Variants in EXT1 observed in about 807,000 individuals in gnomAD.
EXT1 encodes exostosin glycosyltransferase 1.
A neutral mutation model predicts 82.5 loss-of-function variants in EXT1; 20 were observed. That is an observed-to-expected ratio of 0.24 (90% CI 0.17 to 0.35). The LOEUF is 0.35. EXT1 is among the 10% of genes least tolerant of loss of function. The probability of loss-of-function intolerance (pLI) is 1.00; values close to 1 mark genes in which losing one functional copy is unlikely to be tolerated. For missense variants in EXT1, 757 were observed against 936.5 expected (o/e 0.81, Z 2.50); for synonymous variants, 348 against 350.8 (o/e 0.99, Z 0.09).
intron 1 of EXT1, among the ~76,000 whole-genome samples, chr8:117,936,254 C>G (rs1264082317): frequency 6.6e-6 from 1 of 151,874 alleles, no homozygotes; most frequent in Non-Finnish European, 1.5e-5. Flanking sequence ...TGAGCCTATT[C>G]CAACAGCCTG....
chr8:117,931,122 A>T (rs1243059098), intron 1 of EXT1, among the ~76,000 whole-genome samples: 1 of 152,258 alleles, frequency 6.6e-6, no homozygotes, highest in Non-Finnish European at 1.5e-5. Flanking sequence ...AGAAATAACC[A>T]TAAAAATAGG....
intron 1 of EXT1, among the ~76,000 whole-genome samples, chr8:117,921,422 A>C (rs1813852544): frequency 6.6e-6 from 1 of 152,222 alleles, no homozygotes; most frequent in African/African-American, 2.4e-5. Flanking sequence ...GAGCAACAAC[A>C]ATTTTACTGA....
At chr8:117,942,776 T>C (rs1814313856) in intron 1 of EXT1, among the ~76,000 whole-genome samples, 3 of 152,218 alleles carry the variant, frequency 2.0e-5, no homozygotes, top group Non-Finnish European at 4.4e-5. Context: ...TGTTGAATGT[T>C]TTTTTAAACA....
rs930700222 is a variant in EXT1 at position 117,837,032 on chromosome 8, G to A, written c.1056+76C>T. The A allele has an allele frequency of 3.2e-6, 3 of 944,406 alleles. No individual in the cohort carries two copies. The East Asian group carries it at 7.2e-5, about 23-fold the overall frequency. 58.5% of individuals were successfully genotyped at this position (944,406 alleles called of 1,614,324 possible). ...CACCTTCTCTTTAGCTATCCCAGGA[G>A]AGGTGATAATGTTAAACCCACTTAA... On this transcript the variant is annotated intron_variant, in intron 2 of 10. Transcript: ENST00000378204.
chr8:117,828,936 A>G (rs17474546), intron 4 of EXT1, among the ~76,000 whole-genome samples: 2,344 of 152,268 alleles, frequency 0.015, 76 homozygotes, highest in African/African-American at 0.054. Flanking sequence ...ACTGGCTCTG[A>G]TAGTCAGGAT....
At chr8:118,033,490 T>A (rs993988618) in intron 1 of EXT1, among the ~76,000 whole-genome samples, 2 of 152,206 alleles carry the variant, frequency 1.3e-5, no homozygotes, top group African/African-American at 4.8e-5. Flanking sequence ...CATGCATTCA[T>A]TCATTCGAGA....
chr8:117,896,258 C>A (rs1813333879), intron 1 of EXT1, among the ~76,000 whole-genome samples: 1 of 152,186 alleles, frequency 6.6e-6, no homozygotes, highest in East Asian at 1.9e-4. Context: ...CCAAAAAAAT[C>A]CAGATTACTT....
chr8:118,058,007 A>C (rs1396464318), intron 1 of EXT1, among the ~76,000 whole-genome samples: 1 of 151,864 alleles, frequency 6.6e-6, no homozygotes, highest in African/African-American at 2.4e-5. Flanking sequence ...AAGAAAAAAA[A>C]ATCGAAAGTG....
chr8:117,936,901 CAAAT>C (rs199885796), intron 1 of EXT1, among the ~76,000 whole-genome samples: 2,277 of 152,030 alleles, frequency 0.015, 63 homozygotes, highest in African/African-American at 0.052. Flanking sequence ...AACAAACAAA[CAAAT>C]AAATAAATAA....
At chr8:117,848,488 G>C (rs1353710638) in intron 1 of EXT1, among the ~76,000 whole-genome samples, 1 of 152,128 alleles carries the variant, frequency 6.6e-6, no homozygotes, top group Non-Finnish European at 1.5e-5. Context: ...ATTCTGGAAA[G>C]AGGCTGTGGG....
intron 1 of EXT1, among the ~76,000 whole-genome samples, chr8:117,994,626 C>A (rs1815500525): frequency 1.3e-5 from 2 of 152,054 alleles, no homozygotes; most frequent in Non-Finnish European, 2.9e-5. Context: ...GAAAAGGACT[C>A]TAGATCAGGT....
intron 1 of EXT1, among the ~76,000 whole-genome samples, chr8:117,934,978 TAAAC>T (rs990670658): frequency 6.6e-6 from 1 of 152,178 alleles, no homozygotes; most frequent in African/African-American, 2.4e-5. Flanking sequence ...GAACACAGCT[TAAAC>T]AGTGTCATAA....
At chr8:117,973,508 T>A (rs1029974543) in intron 1 of EXT1, among the ~76,000 whole-genome samples, 3 of 152,126 alleles carry the variant, frequency 2.0e-5, no homozygotes, top group Non-Finnish European at 4.4e-5. Context: ...CCTCTACATC[T>A]TTTTTAAAAA....
chr8:117,991,837 C>T (rs1274276624), intron 1 of EXT1, among the ~76,000 whole-genome samples: 1 of 152,224 alleles, frequency 6.6e-6, no homozygotes, highest in Non-Finnish European at 1.5e-5. Context: ...GCTGGGATTA[C>T]TGGCATGAGC....
At chr8:118,105,977 C>T (rs945983644) in intron 1 of EXT1, among the ~76,000 whole-genome samples, 7 of 152,182 alleles carry the variant, frequency 4.6e-5, no homozygotes, top group Non-Finnish European at 1.0e-4. Flanking sequence ...TCCCTAAACC[C>T]CTTAGGGCCA....
chr8:118,091,248 A>G (rs1006675979), intron 1 of EXT1, among the ~76,000 whole-genome samples: 2 of 152,238 alleles, frequency 1.3e-5, no homozygotes, highest in Non-Finnish European at 2.9e-5. Context: ...AGTTATGACC[A>G]GGAACCTACT....
chr8:118,066,710 A>G (rs1422808872), intron 1 of EXT1, among the ~76,000 whole-genome samples: 1 of 152,146 alleles, frequency 6.6e-6, no homozygotes, highest in Non-Finnish European at 1.5e-5. Flanking sequence ...GAACAAACAA[A>G]TATGTGTTAG....
At chr8:117,839,906 C>T (rs1416616480) in intron 1 of EXT1, among the ~76,000 whole-genome samples, 1 of 152,142 alleles carries the variant, frequency 6.6e-6, no homozygotes, top group Non-Finnish European at 1.5e-5. Flanking sequence ...ACCAAAGAAG[C>T]ACCTGACAAT....
intron 1 of EXT1, among the ~76,000 whole-genome samples, chr8:118,090,778 CAAAAAAAAAAAAAAAAAAA>C (rs11318164): frequency 7.4e-5 from 2 of 27,180 alleles, no homozygotes; most frequent in East Asian, 1.7e-3. Flanking sequence ...GATTCTGTCT[CAAAAAAAAAAAAAAAAAAA>C]AAAAAAAAAA....
Sources: allele counts gnomAD v4.1 joint callset (sites outside exome capture counted in the v4.1 genomes callset), GRCh38; gene constraint gnomAD v4.1.1; transcripts MANE v1.5; gene names NCBI Gene and HGNC (gene_info 2026-07-23, HGNC 2026-07-21).